RTN4: variants seen among roughly 807,000 people sequenced by gnomAD.
The protein encoded by RTN4 is reticulon 4.
A neutral mutation model predicts 90.4 loss-of-function variants in RTN4; 32 were observed. That is an observed-to-expected ratio of 0.35 (90% CI 0.27 to 0.48). RTN4 has a LOEUF of 0.48. Among genes scored for constraint, RTN4 ranks in the 20% least tolerant of loss-of-function variants. The probability of loss-of-function intolerance (pLI) is 0.99; values close to 1 mark genes in which losing one functional copy is unlikely to be tolerated. For missense variants in RTN4, 1,706 were observed against 1,430.2 expected, an observed-to-expected ratio of 1.19 and a Z score of -3.11; for synonymous variants, 629 against 552.5, an observed-to-expected ratio of 1.14 and a Z score of -1.94.
At chr2:55,089,306 T>C (rs1370989088) in intron 1 of RTN4, among the ~76,000 whole-genome samples, 1 of 152,202 alleles carries the variant, frequency 6.6e-6, no homozygotes, top group East Asian at 1.9e-4. Context: ...AGCATCAGTA[T>C]GAATGCTAAA....
intron 2 of RTN4, among the ~76,000 whole-genome samples, chr2:55,078,689 T>C (rs1241024327): frequency 6.6e-6 from 1 of 152,162 alleles, no homozygotes; most frequent in Non-Finnish European, 1.5e-5. Context: ...TACTGACAAG[T>C]AGGGACAATG....
rs76921706 is a variant in RTN4, at chr2:54,999,809, G to A, written c.3014-12111C>T. ...TAGTACTACGTAATAGTAAGCTTTT[G>A]TCTCAACACAGTAAGCATTCACCTG... On this transcript the variant is annotated intron_variant, in intron 3 of 8. Transcript: ENST00000337526. 8.1e-3 allele frequency among the ~76,000 whole-genome samples: 1,231 copies of A among 152,180 alleles called. 14 individuals carry two copies. The highest frequency in any genetic ancestry group is 0.028 in the African/African-American group (1,180 of 41,524).
intron 7 of RTN4, 80 bp downstream of exon 7, chr2:54,973,741 A>G: frequency 6.6e-7 from 1 of 1,508,666 alleles, no homozygotes; most frequent in Non-Finnish European, 9.2e-7. Flanking sequence ...GACATTGAAA[A>G]TGGGCACTAA....
intron 3 of RTN4, among the ~76,000 whole-genome samples, chr2:55,017,176 A>T (rs1681103546): frequency 6.6e-6 from 1 of 152,104 alleles, no homozygotes; most frequent in African/African-American, 2.4e-5. Flanking sequence ...TTACATCAAA[A>T]TTTTCCAAAT....
At chr2:55,126,512 A>G in the RTN4 span, among the ~76,000 whole-genome samples, 1 of 152,272 alleles carries the variant, frequency 6.6e-6, no homozygotes, top group Non-Finnish European at 1.5e-5. Flanking sequence ...CTATCACTAA[A>G]AAGTTAAAAA....
the RTN4 span, among the ~76,000 whole-genome samples, chr2:55,136,301 C>T: frequency 3.3e-5 from 5 of 152,174 alleles, no homozygotes; most frequent in East Asian, 1.9e-4. Flanking sequence ...AACACCTGTG[C>T]ACACGGCCCC....
intron 3 of RTN4, among the ~76,000 whole-genome samples, chr2:55,016,505 C>T (rs547056751): frequency 1.3e-5 from 2 of 152,128 alleles, no homozygotes; most frequent in Non-Finnish European, 2.9e-5. Flanking sequence ...ATCGCTTGAA[C>T]CCAGGAGGCA....
chr2:55,081,333 TC>T (rs2105030394), intron 1 of RTN4, among the ~76,000 whole-genome samples: 1 of 152,188 alleles, frequency 6.6e-6, no homozygotes, highest in African/African-American at 2.4e-5. Context: ...TTCGTCAGAC[TC>T]CCTAAGTGCT....
At chr2:55,056,304 C>A (rs1037154783) in intron 2 of RTN4, among the ~76,000 whole-genome samples, 2 of 152,058 alleles carry the variant, frequency 1.3e-5, no homozygotes, top group Non-Finnish European at 2.9e-5. Flanking sequence ...GGGATCAGAT[C>A]GGCTGTCATG....
chr2:55,005,430 C>G (rs1680142635), intron 3 of RTN4, among the ~76,000 whole-genome samples: 1 of 152,150 alleles, frequency 6.6e-6, no homozygotes, highest in Non-Finnish European at 1.5e-5. Flanking sequence ...AAATAGCTAT[C>G]TTAGAGTAAA....
At chr2:55,004,104 C>T (rs1029343090) in intron 3 of RTN4, among the ~76,000 whole-genome samples, 4 of 152,164 alleles carry the variant, frequency 2.6e-5, no homozygotes, top group Admixed American at 6.6e-5. Context: ...CCAGAGAACT[C>T]CCACTAGGTT....
At chr2:55,100,114 T>C (rs1243129891) in intron 1 of RTN4, among the ~76,000 whole-genome samples, 1 of 152,142 alleles carries the variant, frequency 6.6e-6, no homozygotes, top group African/African-American at 2.4e-5. Flanking sequence ...TGTAAAGGAA[T>C]CCAAATTCAA....
At chr2:55,009,127 TC>T (rs1680450567) in intron 3 of RTN4, among the ~76,000 whole-genome samples, 1 of 152,284 alleles carries the variant, frequency 6.6e-6, no homozygotes, top group South Asian at 2.1e-4. Flanking sequence ...TGTAATTAGC[TC>T]TACATACTTT....
chr2:54,974,209 T>C (rs996922116), intron 6 of RTN4: 3 of 256,418 alleles, frequency 1.2e-5, no homozygotes, highest in African/African-American at 6.8e-5. Context: ...TAGTAGGAGC[T>C]GTCTTCAGCA....
At chr2:55,010,025 T>C in intron 3 of RTN4, 1 of 1,556,152 alleles carries the variant, frequency 6.4e-7, no homozygotes, top group South Asian at 1.1e-5. Context: ...CAAAGCTTAT[T>C]CATAGAAATA....
At chr2:55,115,879 T>C (rs1310309776), upstream of RTN4, among the ~76,000 whole-genome samples, 1 of 152,170 alleles carries the variant, frequency 6.6e-6, no homozygotes, top group Non-Finnish European at 1.5e-5. Context: ...ATGACCATTT[T>C]TTAACCCTTG....
the RTN4 span, among the ~76,000 whole-genome samples, chr2:55,126,665 C>T: frequency 6.6e-6 from 1 of 152,194 alleles, no homozygotes; most frequent in Non-Finnish European, 1.5e-5. Flanking sequence ...ACCCAGCAAT[C>T]CCATTATTGG....
At chr2:55,073,469 G>A (rs1191281613) in intron 2 of RTN4, among the ~76,000 whole-genome samples, 1 of 152,178 alleles carries the variant, frequency 6.6e-6, no homozygotes, top group Non-Finnish European at 1.5e-5. Flanking sequence ...CTAAGAGTAG[G>A]AGGAGAACAG....
At position 54,998,240 on chromosome 2, in the gene RTN4, A is replaced by AG. The variant is rs1195871895; in HGVS notation, c.3014-10543dup. On this transcript the variant is annotated intron_variant, in intron 3 of 8. Coordinates refer to ENST00000337526, the MANE Select transcript of RTN4 (RefSeq NM_020532.5). ...GAGGGTGTGGGGGGCTTTTTTTGGG[A>AG]GGGGGGTGAAGAAAATGTCCTGGAA... Among the ~76,000 whole-genome samples, 54 of 141,074 alleles carry AG rather than the reference A, an allele frequency of 3.8e-4. 1 individual carries two copies. The highest frequency in any genetic ancestry group is 1.0e-3 in the African/African-American group (40 of 39,024). 92.6% of individuals were successfully genotyped at this position (141,074 alleles called of 152,430 possible).
Sources: allele counts gnomAD v4.1 joint callset (sites outside exome capture counted in the v4.1 genomes callset), GRCh38; gene constraint gnomAD v4.1.1; transcripts MANE v1.5; gene names NCBI Gene and HGNC (gene_info 2026-07-23, HGNC 2026-07-21).